Variants in ATXN7L1 observed in about 807,000 individuals in gnomAD.
ATXN7L1 encodes the protein ataxin-7-like protein 1.
A neutral mutation model predicts 70.8 loss-of-function variants in ATXN7L1; 15 were observed. That is an observed-to-expected ratio of 0.21 (90% CI 0.14 to 0.33). The LOEUF is 0.33. Among genes scored for constraint, ATXN7L1 ranks in the 10% least tolerant of loss-of-function variants. The probability of loss-of-function intolerance (pLI) is 1.00; values close to 1 mark genes in which losing one functional copy is unlikely to be tolerated. For missense variants in ATXN7L1, 975 were observed against 1,097.1 expected (o/e 0.89, Z 1.57); for synonymous variants, 440 against 445.1 (o/e 0.99, Z 0.14).
intron 3 of ATXN7L1, among the ~76,000 whole-genome samples, chr7:105,685,793 G>A (rs1487531624): frequency 6.6e-6 from 1 of 152,208 alleles, no homozygotes; most frequent in Non-Finnish European, 1.5e-5. Context: ...CTAGGCTTTA[G>A]GCTCTGACAT....
In ATXN7L1 at chr7:105,605,546, AT is replaced by A. The variant is rs1197349180; in HGVS notation, c.*2305del. 6.8e-6 allele frequency: 1 copy of A among 147,894 alleles called. No homozygotes were observed. Among genetic ancestry groups the A allele is most frequent in the African/African-American group, 2.5e-5 (1 of 40,636 alleles). 9.2% of individuals were successfully genotyped at this position (147,894 alleles called of 1,614,324 possible). ...GTAGAGAGCTACAATGTCTAAACCTATTGAATTGCTCCTTTAGTCCTTGAGA... is the reference window on the plus strand; with the variant it reads ...GTAGAGAGCTACAATGTCTAAACCTATGAATTGCTCCTTTAGTCCTTGAGA... On this transcript the variant is annotated 3_prime_UTR_variant, in exon 12 of 12. Coordinates refer to ENST00000419735, the MANE Select transcript of ATXN7L1 (RefSeq NM_020725.2).
chr7:105,811,298 C>T (rs1380939190), intron 2 of ATXN7L1, among the ~76,000 whole-genome samples: 1 of 152,154 alleles, frequency 6.6e-6, no homozygotes, highest in Non-Finnish European at 1.5e-5. Flanking sequence ...AGCTATAAGA[C>T]ATGGAAAGCC....
chr7:105,848,046 T>C (rs1814323382), intron 2 of ATXN7L1, among the ~76,000 whole-genome samples: 1 of 152,144 alleles, frequency 6.6e-6, no homozygotes, highest in Non-Finnish European at 1.5e-5. Flanking sequence ...AGAGGGCTCT[T>C]AGAAAACAAT....
chr7:105,869,578 C>T (rs565368291), intron 2 of ATXN7L1, among the ~76,000 whole-genome samples: 94 of 152,318 alleles, frequency 6.2e-4, no homozygotes, highest in Middle Eastern at 3.4e-3. Flanking sequence ...ATGTTCTCTG[C>T]ACCCTCCTAT....
chr7:105,827,340 C>T (rs1361333546), intron 2 of ATXN7L1, among the ~76,000 whole-genome samples: 1 of 152,184 alleles, frequency 6.6e-6, no homozygotes, highest in Non-Finnish European at 1.5e-5. Flanking sequence ...AACATTTTTA[C>T]TGTGGTAAAA....
chr7:105,803,605 T>C (rs1023146339), intron 2 of ATXN7L1, among the ~76,000 whole-genome samples: 1 of 152,292 alleles, frequency 6.6e-6, no homozygotes, highest in East Asian at 1.9e-4. Context: ...TAACTGTGCA[T>C]TGGAATCTTT....
chr7:105,789,567 A>T (rs1804827036), intron 2 of ATXN7L1, among the ~76,000 whole-genome samples: 1 of 152,094 alleles, frequency 6.6e-6, no homozygotes, highest in Non-Finnish European at 1.5e-5. Context: ...AAGGAAGCAA[A>T]GGGCCAGGCA....
Position 105,695,157 on chromosome 7 carries a change from G to A in ATXN7L1, c.356-29869C>T, listed in dbSNP as rs1189532525. ...CAAAAATTAGCCGGGCGTGGTGGCC[G>A]GTGCCTGTAGTCCCAGCTACTCGGG... On this transcript the variant is annotated intron_variant, in intron 3 of 11. Coordinates refer to ENST00000419735, the MANE Select transcript of ATXN7L1 (RefSeq NM_020725.2). Among the ~76,000 whole-genome samples the A allele has an allele frequency of 2.0e-5, 3 of 151,650 alleles. No individual in the cohort carries two copies. In the South Asian group the frequency reaches 6.3e-4, roughly 32 times the overall value.
intron 3 of ATXN7L1, among the ~76,000 whole-genome samples, chr7:105,767,707 T>C (rs1212051060): frequency 6.6e-6 from 1 of 152,218 alleles, no homozygotes; most frequent in Non-Finnish European, 1.5e-5. Flanking sequence ...CTGAAGGTCA[T>C]ACAGCCAGTG....
intron 2 of ATXN7L1, among the ~76,000 whole-genome samples, chr7:105,799,049 C>T (rs1032275844): frequency 6.6e-6 from 1 of 152,254 alleles, no homozygotes; most frequent in Non-Finnish European, 1.5e-5. Flanking sequence ...CAGCATCCAT[C>T]TACCACAGAC....
At chr7:105,874,166 G>C (rs1176306130) in intron 2 of ATXN7L1, among the ~76,000 whole-genome samples, 2 of 148,938 alleles carry the variant, frequency 1.3e-5, no homozygotes, top group East Asian at 3.9e-4. Context: ...ATGAGGCAAA[G>C]AGAATCTGAG....
intron 4 of ATXN7L1, among the ~76,000 whole-genome samples, chr7:105,654,776 T>C (rs1414765178): frequency 6.6e-6 from 1 of 151,988 alleles, no homozygotes; most frequent in Non-Finnish European, 1.5e-5. Context: ...AGTCTTGCTC[T>C]GTTGCCCAGG....
At chr7:105,866,725 C>T (rs1817535655) in intron 2 of ATXN7L1, among the ~76,000 whole-genome samples, 1 of 152,206 alleles carries the variant, frequency 6.6e-6, no homozygotes, top group Non-Finnish European at 1.5e-5. Context: ...CAGTCACACA[C>T]AGAAGTCAGT....
intron 2 of ATXN7L1, among the ~76,000 whole-genome samples, chr7:105,852,715 T>C (rs1304788201): frequency 6.6e-6 from 1 of 151,648 alleles, no homozygotes; most frequent in East Asian, 2.0e-4. Flanking sequence ...TCCAGGTCTC[T>C]GTTTGACCCG....
At chr7:105,849,513 A>G (rs1181631589) in intron 2 of ATXN7L1, among the ~76,000 whole-genome samples, 2 of 152,352 alleles carry the variant, frequency 1.3e-5, no homozygotes, top group East Asian at 3.9e-4. Context: ...ACTGAAAGAC[A>G]ACAAGTCACA....
At chr7:105,839,929 A>C (rs1225607189) in intron 2 of ATXN7L1, among the ~76,000 whole-genome samples, 1 of 152,248 alleles carries the variant, frequency 6.6e-6, no homozygotes, top group Non-Finnish European at 1.5e-5. Context: ...ACAGATGAGG[A>C]CTTGGCTAAT....
chr7:105,846,443 C>A (rs530368415), intron 2 of ATXN7L1, among the ~76,000 whole-genome samples: 1 of 152,026 alleles, frequency 6.6e-6, no homozygotes, highest in South Asian at 2.1e-4. Flanking sequence ...CTAAGATGGC[C>A]ATGATAAAAA....
At chr7:105,790,175 C>T (rs1234206840) in intron 2 of ATXN7L1, among the ~76,000 whole-genome samples, 2 of 152,124 alleles carry the variant, frequency 1.3e-5, no homozygotes, top group African/African-American at 2.4e-5. Flanking sequence ...AGGGTGACTG[C>T]TAACAGGTAT....
chr7:105,720,846 C>G (rs911816946), intron 3 of ATXN7L1, among the ~76,000 whole-genome samples: 1 of 152,088 alleles, frequency 6.6e-6, no homozygotes, highest in South Asian at 2.1e-4. Flanking sequence ...ACCTGTCCAG[C>G]AGAGCTGAGC....
Sources: gnomAD v4.1 joint callset for allele counts (sites outside exome capture counted in the v4.1 genomes callset) on GRCh38, gnomAD v4.1.1 for gene constraint, MANE v1.5 for transcripts, NCBI Gene and HGNC (gene_info 2026-07-23, HGNC 2026-07-21) for gene names.